Variants in PEPD observed in about 807,000 individuals in gnomAD.
PEPD encodes peptidase D.
In PEPD, 53 loss-of-function variants were observed where a neutral mutation model predicts 60.7. The observed-to-expected ratio is 0.87, with a 90% CI of 0.70 to 1.10. PEPD has a LOEUF of 1.10. Ranked by LOEUF, PEPD falls within the 50% of genes least tolerant of loss-of-function variation. PEPD has a pLI of 0.00. For synonymous variants in PEPD, 267 were observed against 284.1 expected (o/e 0.94, Z 0.60); for missense variants, 711 against 711.9 (o/e 1.00, Z 0.01).
chr19:33,463,854 G>A (rs2145273212), intron 8 of PEPD, 133 bp downstream of exon 8: 2 of 715,948 alleles, frequency 2.8e-6, no homozygotes, highest in East Asian at 2.7e-5. Flanking sequence ...AACAATCACT[G>A]TGTAAAACTT....
At chr19:33,469,208 T>C (rs989635149) in intron 7 of PEPD, among the ~76,000 whole-genome samples, 1 of 152,140 alleles carries the variant, frequency 6.6e-6, no homozygotes, top group Non-Finnish European at 1.5e-5. Flanking sequence ...CTATGGCCAC[T>C]ACTGTTGCCA....
At chr19:33,504,052 C>T (rs1217324998) in intron 3 of PEPD, among the ~76,000 whole-genome samples, 2 of 152,212 alleles carry the variant, frequency 1.3e-5, no homozygotes, top group African/African-American at 4.8e-5. Context: ...ACAGATACAA[C>T]CTGAAAAGCT....
chr19:33,409,990 G>A (rs1413238589), intron 11 of PEPD, among the ~76,000 whole-genome samples: 6 of 152,204 alleles, frequency 3.9e-5, no homozygotes, highest in East Asian at 1.9e-4. Flanking sequence ...GCTGAGCTCC[G>A]CTCTGACCCT....
chr19:33,483,896 G>A (rs1355902822), intron 6 of PEPD, among the ~76,000 whole-genome samples: 1 of 152,082 alleles, frequency 6.6e-6, no homozygotes, highest in African/African-American at 2.4e-5. Flanking sequence ...GCACACGCAG[G>A]GTCGTGACCT....
chr19:33,448,011 C>T (rs542411456), intron 9 of PEPD, among the ~76,000 whole-genome samples: 1 of 152,312 alleles, frequency 6.6e-6, no homozygotes, highest in East Asian at 1.9e-4. Flanking sequence ...TAAATTACCT[C>T]CAGGCTTCAA....
chr19:33,462,100 G>C (rs1969936193), intron 9 of PEPD, among the ~76,000 whole-genome samples: 1 of 152,238 alleles, frequency 6.6e-6, no homozygotes, highest in Non-Finnish European at 1.5e-5. Flanking sequence ...TGGCAGGCAG[G>C]CCAGCCTGGG....
intron 9 of PEPD, among the ~76,000 whole-genome samples, chr19:33,456,588 A>C (rs938102992): frequency 3.9e-5 from 6 of 152,126 alleles, no homozygotes; most frequent in Non-Finnish European, 7.4e-5. Flanking sequence ...CTCTTCTCTG[A>C]ATGGGCTGTG....
chr19:33,472,801 G>C (rs1339304283), intron 7 of PEPD, among the ~76,000 whole-genome samples: 1 of 152,158 alleles, frequency 6.6e-6, no homozygotes, highest in Non-Finnish European at 1.5e-5. Flanking sequence ...CCTGGAGATG[G>C]ATGTGCAGGG....
chr19:33,448,788 G>C (rs1370574149), intron 9 of PEPD, among the ~76,000 whole-genome samples: 2 of 152,122 alleles, frequency 1.3e-5, no homozygotes, highest in Non-Finnish European at 2.9e-5. Context: ...CCAGCCCACG[G>C]TTACCAGCTA....
At chr19:33,417,890 G>A (rs1968925040) in intron 9 of PEPD, among the ~76,000 whole-genome samples, 1 of 152,192 alleles carries the variant, frequency 6.6e-6, no homozygotes, top group South Asian at 2.1e-4. Flanking sequence ...CTCTACAGAA[G>A]TCCTTCCTGG....
chr19:33,406,937 C>G (rs12976696), intron 11 of PEPD, among the ~76,000 whole-genome samples: 23,635 of 152,212 alleles, frequency 0.16, 2,439 homozygotes, highest in Admixed American at 0.27. Flanking sequence ...CCACCCACCC[C>G]CCATGCCCAG....
chr19:33,400,367 C>G (rs1053099225), intron 12 of PEPD, among the ~76,000 whole-genome samples: 5 of 152,244 alleles, frequency 3.3e-5, no homozygotes, highest in Non-Finnish European at 5.9e-5. Context: ...CACTGCAGCC[C>G]TGGCCCCAGC....
chr19:33,511,078 C>T lies in PEPD; in HGVS notation c.279G>A (p.Ser93=), dbSNP rs780889402. The change falls in exon 3 of 15, where the codon TCG becomes TCA. Residue 93 remains serine, a synonymous_variant. Transcript: ENST00000244137. The part of the protein sequence containing the change: ...YGVIDVDTGK[S]TLFVPRLPAS... Reference sequence around the variant, plus strand: ...CAGGAAGCCTGGGCACAAACAGGGTCGACTTCCCAGTGTCAACATCGATGA... The same window carrying T: ...CAGGAAGCCTGGGCACAAACAGGGTTGACTTCCCAGTGTCAACATCGATGA... The T allele has an allele frequency of 1.3e-5, 21 of 1,613,912 alleles. No individual in the cohort carries two copies. The highest frequency in any genetic ancestry group is 1.7e-5 in the Admixed American group (1 of 60,002).
intron 9 of PEPD, among the ~76,000 whole-genome samples, chr19:33,417,773 G>A (rs530189072): frequency 6.6e-6 from 1 of 152,184 alleles, no homozygotes; most frequent in East Asian, 1.9e-4. Flanking sequence ...GGCATCCTGT[G>A]CCAGGCTTTG....
intron 4 of PEPD, among the ~76,000 whole-genome samples, chr19:33,494,642 C>A (rs547969518): frequency 2.0e-5 from 3 of 152,200 alleles, no homozygotes; most frequent in Non-Finnish European, 4.4e-5. Flanking sequence ...GGACAGTAAA[C>A]GTCCAGTAGG....
At chr19:33,426,938 A>G (rs28651277) in intron 9 of PEPD, among the ~76,000 whole-genome samples, 50,940 of 152,180 alleles carry the variant, frequency 0.33, 9,402 homozygotes, top group African/African-American at 0.49. Context: ...CAGCCTGGAC[A>G]GGCCCTAGGT....
chr19:33,451,530 G>C (rs1969700677), intron 9 of PEPD, among the ~76,000 whole-genome samples: 1 of 151,812 alleles, frequency 6.6e-6, no homozygotes, highest in African/African-American at 2.4e-5. Flanking sequence ...AAGCCACAAA[G>C]GAAAAAACAG....
intron 11 of PEPD, among the ~76,000 whole-genome samples, chr19:33,410,376 G>T (rs1009941136): frequency 6.6e-6 from 1 of 152,240 alleles, no homozygotes; most frequent in Non-Finnish European, 1.5e-5. Context: ...GAGACTGAGT[G>T]TGTTCCTGCA....
intron 3 of PEPD, among the ~76,000 whole-genome samples, chr19:33,510,717 G>T (rs574232413): frequency 6.6e-6 from 1 of 152,140 alleles, no homozygotes; most frequent in African/African-American, 2.4e-5. Flanking sequence ...AAAGGTTGCC[G>T]GCCTGGCTCT....
Sources: gnomAD v4.1 joint callset for allele counts (sites outside exome capture counted in the v4.1 genomes callset) on GRCh38, gnomAD v4.1.1 for gene constraint, MANE v1.5 for transcripts, NCBI Gene and HGNC (gene_info 2026-07-23, HGNC 2026-07-21) for gene names.